The following ARHGEF4 variants were observed in gnomAD, a reference collection of about 807,000 sequenced individuals.
ARHGEF4 encodes the protein Rho guanine nucleotide exchange factor 4, also known as APC-stimulated guanine nucleotide exchange factor 1.
A neutral mutation model predicts 162.0 loss-of-function variants in ARHGEF4; 119 were observed. The observed-to-expected ratio is 0.73, with a 90% CI of 0.63 to 0.86. The LOEUF (loss-of-function observed/expected upper bound fraction) is 0.86. Among genes scored for constraint, ARHGEF4 ranks in the 40% least tolerant of loss-of-function variants. The pLI, the probability that ARHGEF4 is intolerant of heterozygous loss-of-function variation, is 0.00. For missense variants in ARHGEF4, 2,488 were observed against 2,456.0 expected (o/e 1.01, Z -0.28); for synonymous variants, 1,014 against 979.9 (o/e 1.03, Z -0.65).
intron 4 of ARHGEF4, among the ~76,000 whole-genome samples, chr2:131,018,438 G>GT (rs1032563010): frequency 1.3e-5 from 2 of 152,030 alleles, no homozygotes; most frequent in South Asian, 2.1e-4. Flanking sequence ...TAGTTTTTGA[G>GT]TTTTTTGTTT....
chr2:130,854,975 G>A (rs546853656), intron 1 of ARHGEF4, among the ~76,000 whole-genome samples: 30 of 151,792 alleles, frequency 2.0e-4, no homozygotes, highest in African/African-American at 7.0e-4. Flanking sequence ...CTGGGTTCAC[G>A]CCATTCTCCC....
In ARHGEF4 at chr2:130,903,738, C is replaced by T. The variant is rs1289890729; in HGVS notation, c.40-10248C>T. On this transcript the variant is annotated intron_variant, in intron 1 of 13. Transcript: ENST00000409359. ...ATTCTCGTGATTGTGCCTGTGTGTA[C>T]CTAGTGTTTAGCTCCCACTTACAAG... Among the ~76,000 whole-genome samples the T allele has an allele frequency of 4.6e-5, 7 of 152,152 alleles. No individual in the cohort carries two copies. The East Asian group carries it at 1.3e-3, about 29-fold the overall frequency.
intron 6 of ARHGEF4, chr2:131,039,286 C>T (rs528411316): frequency 7.8e-7 from 1 of 1,276,532 alleles, no homozygotes; most frequent in South Asian, 2.2e-5. Flanking sequence ...CTAGGCACCC[C>T]TCTGCGATAC....
chr2:131,044,834 C>T (rs1215479919), intron 12 of ARHGEF4, among the ~76,000 whole-genome samples: 1 of 152,242 alleles, frequency 6.6e-6, no homozygotes, highest in Non-Finnish European at 1.5e-5. Context: ...CATGTGCACA[C>T]ACTCCATAGG....
At chr2:130,953,794 A>G (rs1268956586) in intron 4 of ARHGEF4, among the ~76,000 whole-genome samples, 1 of 152,274 alleles carries the variant, frequency 6.6e-6, no homozygotes, top group Non-Finnish European at 1.5e-5. Context: ...CAACAGACAC[A>G]TGAAAAAATG....
intron 1 of ARHGEF4, among the ~76,000 whole-genome samples, chr2:130,902,915 G>GTCATTAA (rs56885931): frequency 6.6e-6 from 1 of 151,396 alleles, no homozygotes; most frequent in Admixed American, 6.6e-5. Context: ...AGCCCCACAG[G>GTCATTAA]GGCTCTGTTT....
intron 6 of ARHGEF4, chr2:131,039,267 G>A: frequency 7.0e-6 from 9 of 1,284,550 alleles, no homozygotes; most frequent in Non-Finnish European, 9.1e-6. Context: ...AAATGAGTGT[G>A]TGCAGACACT....
At chr2:130,896,967 A>G (rs928609370) in intron 1 of ARHGEF4, among the ~76,000 whole-genome samples, 1 of 152,122 alleles carries the variant, frequency 6.6e-6, no homozygotes, top group East Asian at 1.9e-4. Context: ...CTACTAAGTT[A>G]TTGTTAGTCT....
At chr2:130,953,434 AC>A (rs1458142324) in intron 4 of ARHGEF4, among the ~76,000 whole-genome samples, 2 of 152,356 alleles carry the variant, frequency 1.3e-5, no homozygotes, top group South Asian at 4.1e-4. Context: ...TAAATGTTAG[AC>A]CTAAAATCGT....
chr2:130,923,792 A>C lies in ARHGEF4; in HGVS notation c.3552+6294A>C, dbSNP rs553202559. Among the ~76,000 whole-genome samples the C allele has an allele frequency of 1.1e-3, 166 of 152,284 alleles. 1 individual carries two copies. Among genetic ancestry groups the C allele is most frequent in the South Asian group, 3.3e-3 (16 of 4,832 alleles). On this transcript the variant is annotated intron_variant, in intron 2 of 13. Coordinates refer to ENST00000409359, the MANE Select transcript of ARHGEF4 (RefSeq NM_001367493.1). ...ATAGAGCCCTGGAAGGTCCAGCCTCATATGTTAGTAATGTGGAGGAATCCC... is the reference window on the plus strand; with the variant it reads ...ATAGAGCCCTGGAAGGTCCAGCCTCCTATGTTAGTAATGTGGAGGAATCCC...
rs1255974065 is a variant in ARHGEF4 at position 131,023,105 on chromosome 2, A to C, written c.3986-4840A>C. 2.0e-5 allele frequency among the ~76,000 whole-genome samples: 3 copies of C among 149,308 alleles called. No individual in the cohort carries two copies. In the South Asian group the frequency reaches 6.4e-4, roughly 32 times the overall value. On this transcript the variant is annotated intron_variant, in intron 4 of 13. Coordinates refer to ENST00000409359, the MANE Select transcript of ARHGEF4 (RefSeq NM_001367493.1). ...AAAAAAAAAAAAAAAAGAACTTTCA[A>C]AGTTCAACATTAAAACACCAATTAT...
At chr2:130,912,729 T>C (rs866851668) in intron 1 of ARHGEF4, among the ~76,000 whole-genome samples, 1 of 151,866 alleles carries the variant, frequency 6.6e-6, no homozygotes. Flanking sequence ...TGCACAGCAG[T>C]TTGTCAGAGT....
intron 2 of ARHGEF4, 28 bp downstream of exon 2, chr2:130,917,526 T>A: frequency 2.0e-6 from 3 of 1,527,452 alleles, no homozygotes; most frequent in Non-Finnish European, 2.6e-6. Flanking sequence ...ACCAAGCCTT[T>A]CCTGACCTCT....
At position 130,915,930 on chromosome 2, in the gene ARHGEF4, GA is replaced by G; in HGVS notation, c.1987del (p.Arg663AspfsTer6). 1 of 1,550,614 alleles carries G rather than the reference GA, an allele frequency of 6.4e-7. No individual in the cohort carries two copies. Among genetic ancestry groups the G allele is most frequent in the Non-Finnish European group, 8.7e-7 (1 of 1,146,996 alleles). On this transcript the variant is annotated frameshift_variant, in exon 2 of 14. Transcript: ENST00000409359. LOFTEE classifies it high-confidence loss of function. ...AACACTGCCCCGTGACTTTCCTAAG[GA>G]AAGACCAGAATCTCCCTTGAGCACT... ...PETLPRDFPK[E>X]RPESPLSTGE... is the part of the protein sequence containing the mutation.
chr2:130,868,157 C>T (rs1046754051), intron 1 of ARHGEF4, among the ~76,000 whole-genome samples: 5 of 151,966 alleles, frequency 3.3e-5, no homozygotes, highest in African/African-American at 1.2e-4. Context: ...GATCTCCCGA[C>T]GTCGTGATCC....
At chr2:131,027,446 A>G (rs1365424756) in intron 4 of ARHGEF4, among the ~76,000 whole-genome samples, 2 of 152,188 alleles carry the variant, frequency 1.3e-5, no homozygotes, top group Non-Finnish European at 2.9e-5. Context: ...CAAGATATGG[A>G]AGGTCAAGTT....
At chr2:130,990,703 A>G (rs548812392) in intron 4 of ARHGEF4, among the ~76,000 whole-genome samples, 12 of 152,258 alleles carry the variant, frequency 7.9e-5, no homozygotes, top group African/African-American at 2.9e-4. Flanking sequence ...CAGCAGCTGG[A>G]GTCATTATCC....
intron 4 of ARHGEF4, among the ~76,000 whole-genome samples, chr2:130,964,898 A>G (rs1684905560): frequency 2.0e-5 from 3 of 152,250 alleles, no homozygotes; most frequent in African/African-American, 7.2e-5. Context: ...GTTGAGAGGA[A>G]GATTTTGTCC....
intron 5 of ARHGEF4, among the ~76,000 whole-genome samples, chr2:131,034,725 C>T (rs1463965853): frequency 6.6e-6 from 1 of 152,150 alleles, no homozygotes; most frequent in African/African-American, 2.4e-5. Flanking sequence ...GGGGCATCCC[C>T]GAGCGCCCCC....
Sources: allele counts gnomAD v4.1 joint callset (sites outside exome capture counted in the v4.1 genomes callset), GRCh38; gene constraint gnomAD v4.1.1; transcripts MANE v1.5; gene names NCBI Gene and HGNC (gene_info 2026-07-23, HGNC 2026-07-21).